ST6GAL1: variants seen among roughly 807,000 people sequenced by gnomAD.
ST6GAL1 encodes ST6 beta-galactoside alpha-2,6-sialyltransferase 1, also known as beta-galactoside alpha-2,6-sialyltransferase 1.
Under a neutral mutation model 38.0 loss-of-function variants are expected in ST6GAL1, and 20 were observed. The observed-to-expected ratio is 0.53, with a 90% CI of 0.37 to 0.77. ST6GAL1 has a LOEUF of 0.77. Ranked by LOEUF, ST6GAL1 falls within the 30% of genes least tolerant of loss-of-function variation. ST6GAL1 has a pLI of 0.00. For missense variants in ST6GAL1, 432 were observed against 496.4 expected, an observed-to-expected ratio of 0.87 and a Z score of 1.23; for synonymous variants, 196 against 188.2, an observed-to-expected ratio of 1.04 and a Z score of -0.34.
At chr3:187,005,443 C>T (rs1486613512) in intron 2 of ST6GAL1, among the ~76,000 whole-genome samples, 1 of 151,712 alleles carries the variant, frequency 6.6e-6, no homozygotes. Context: ...GCCCGGCTAA[C>T]TTTTGTATTT....
At chr3:187,056,629 C>T (rs1327788206) in intron 5 of ST6GAL1, among the ~76,000 whole-genome samples, 3 of 152,146 alleles carry the variant, frequency 2.0e-5, no homozygotes, top group East Asian at 3.8e-4. Flanking sequence ...GAATCTTGGC[C>T]CCTACTCTCT....
intron 2 of ST6GAL1, among the ~76,000 whole-genome samples, chr3:187,021,637 G>A (rs1400923144): frequency 6.6e-6 from 1 of 151,690 alleles, no homozygotes; most frequent in Non-Finnish European, 1.5e-5. Context: ...CTACTCGGGA[G>A]GCTGAGGCAG....
chr3:186,987,269 A>T (rs932460240), intron 2 of ST6GAL1, among the ~76,000 whole-genome samples: 3 of 152,130 alleles, frequency 2.0e-5, no homozygotes, highest in Non-Finnish European at 4.4e-5. Flanking sequence ...GAAAGAAGAA[A>T]GAAAAGCCCC....
chr3:187,029,594 A>G (rs1224024030), intron 2 of ST6GAL1, among the ~76,000 whole-genome samples: 1 of 152,216 alleles, frequency 6.6e-6, no homozygotes, highest in African/African-American at 2.4e-5. Context: ...TAGACTGGAC[A>G]AGTAGCATGT....
Position 187,048,880 on chromosome 3 carries a change from A to ATTTT in ST6GAL1, c.608-2344_608-2341dup, listed in dbSNP as rs374148828. On this transcript the variant is annotated intron_variant, in intron 4 of 7. Transcript: ENST00000169298. The stretch of plus-strand genomic sequence containing the variant: ...TCTGGCTCTGTCCCTGAGAAATTGA[A>ATTTT]TTTTTTTTTTTTTTTTTTTTTTTTT... Among the ~76,000 whole-genome samples the ATTTT allele has an allele frequency of 1.4e-3, 162 of 115,424 alleles. 6 individuals are homozygous for ATTTT. The highest frequency in any genetic ancestry group is 2.5e-3 in the African/African-American group (66 of 26,570). The allele number at this position is 115,424 out of a possible 152,430, so 75.7% of individuals were successfully genotyped here. A position where few individuals can be genotyped will look rare whatever the true frequency, so the allele number is the denominator to read the frequency against.
chr3:187,077,248 A>G lies in ST6GAL1; in HGVS notation c.*1445A>G, dbSNP rs1434888067. The G allele has an allele frequency of 1.2e-5, 4 of 337,278 alleles. No homozygotes were observed. The highest frequency in any genetic ancestry group is 2.1e-5 in the Non-Finnish European group (4 of 188,702). 20.9% of individuals were successfully genotyped at this position (337,278 alleles called of 1,614,324 possible). A position where few individuals can be genotyped will look rare whatever the true frequency, so the allele number is the denominator to read the frequency against. On this transcript the variant is annotated 3_prime_UTR_variant, in exon 8 of 8. Transcript: ENST00000169298. Reference sequence around the variant, plus strand: ...GGCTGGCCCACTGTAGTTTGCAGACATGCTCTCCAGATGGTTTTACTAAGT... The same window carrying G: ...GGCTGGCCCACTGTAGTTTGCAGACGTGCTCTCCAGATGGTTTTACTAAGT...
chr3:186,965,449 C>T (rs1279010328), intron 2 of ST6GAL1, among the ~76,000 whole-genome samples: 1 of 152,196 alleles, frequency 6.6e-6, no homozygotes, highest in Non-Finnish European at 1.5e-5. Context: ...CTTCCTGAAT[C>T]TCTTCCTGTG....
chr3:187,055,099 T>A (rs900400320), intron 5 of ST6GAL1, among the ~76,000 whole-genome samples: 2 of 152,248 alleles, frequency 1.3e-5, no homozygotes, highest in Admixed American at 6.5e-5. Flanking sequence ...GTGTTTATAG[T>A]ATTCTCTGAT....
intron 2 of ST6GAL1, among the ~76,000 whole-genome samples, chr3:186,974,121 T>C (rs1451173411): frequency 2.0e-5 from 3 of 152,182 alleles, no homozygotes; most frequent in Non-Finnish European, 4.4e-5. Context: ...TTTGACTCTC[T>C]AGCTTTGGGC....
chr3:186,996,875 C>T (rs1716429798), intron 2 of ST6GAL1, among the ~76,000 whole-genome samples: 1 of 151,690 alleles, frequency 6.6e-6, no homozygotes, highest in South Asian at 2.1e-4. Flanking sequence ...TGCTTGGGTC[C>T]CTGCTACACT....
intron 2 of ST6GAL1, among the ~76,000 whole-genome samples, chr3:186,995,505 C>CAAAAA (rs200317857): frequency 2.2e-4 from 6 of 26,766 alleles, no homozygotes; most frequent in African/African-American, 4.2e-4. Flanking sequence ...GACACCATCT[C>CAAAAA]AAAAAAAAAA....
In ST6GAL1 at chr3:187,060,027, G is replaced by A. The variant is rs117272314; in HGVS notation, c.705+8681G>A. ...AAGAGCTTTTCAGGAAGAGGCAACAGCATGGGTACAGTTTTGTGTGGAAGG... is the reference window on the plus strand; with the variant it reads ...AAGAGCTTTTCAGGAAGAGGCAACAACATGGGTACAGTTTTGTGTGGAAGG... On this transcript the variant is annotated intron_variant, in intron 5 of 7. Coordinates refer to ENST00000169298, the MANE Select transcript of ST6GAL1 (RefSeq NM_173216.2). Among the ~76,000 whole-genome samples, 26 of 152,298 alleles carry A rather than the reference G, an allele frequency of 1.7e-4. No homozygotes were observed. The East Asian group carries it at 5.0e-3, about 29-fold the overall frequency.
At chr3:186,988,684 G>C (rs112576454) in intron 2 of ST6GAL1, among the ~76,000 whole-genome samples, 89 of 152,008 alleles carry the variant, frequency 5.9e-4, no homozygotes, top group South Asian at 5.8e-3. Context: ...AGGCTGAGGT[G>C]GGGGGAATCA....
chr3:186,949,204 G>C (rs1050636919), intron 1 of ST6GAL1, among the ~76,000 whole-genome samples: 4 of 152,188 alleles, frequency 2.6e-5, no homozygotes, highest in Non-Finnish European at 5.9e-5. Flanking sequence ...TTGGGACCTT[G>C]TTCTTCTTGT....
At chr3:186,976,530 A>G (rs1423162170) in intron 2 of ST6GAL1, among the ~76,000 whole-genome samples, 1 of 152,084 alleles carries the variant, frequency 6.6e-6, no homozygotes, top group East Asian at 1.9e-4. Context: ...CCCGGGTTCA[A>G]GCGCTTCTCC....
At chr3:186,950,853 T>C (rs1303197278) in intron 1 of ST6GAL1, among the ~76,000 whole-genome samples, 2 of 152,268 alleles carry the variant, frequency 1.3e-5, no homozygotes, top group Admixed American at 6.5e-5. Context: ...TTTTATTTGC[T>C]GCATGCATGT....
rs185703668 is a variant in ST6GAL1, at chr3:186,958,025, G to T, written c.-324-5760G>T. 9.2e-5 allele frequency among the ~76,000 whole-genome samples: 14 copies of T among 151,476 alleles called. No individual in the cohort carries two copies. The South Asian group carries it at 2.3e-3, about 25-fold the overall frequency. The stretch of plus-strand genomic sequence containing the variant: ...TCAGGTTGAAGGAGGAGAATGGAAG[G>T]TTCCAGAAGGGAGATTTTTAAGAAT... On this transcript the variant is annotated intron_variant, in intron 1 of 7. Transcript: ENST00000169298.
chr3:187,037,064 ATTAT>A (rs1251884688), intron 2 of ST6GAL1, among the ~76,000 whole-genome samples: 1 of 152,172 alleles, frequency 6.6e-6, no homozygotes, highest in Non-Finnish European at 1.5e-5. Flanking sequence ...TTATTTATGA[ATTAT>A]TTATTTATTC....
At chr3:187,062,266 A>C (rs1718942357) in intron 5 of ST6GAL1, among the ~76,000 whole-genome samples, 1 of 152,216 alleles carries the variant, frequency 6.6e-6, no homozygotes, top group Non-Finnish European at 1.5e-5. Flanking sequence ...TGTGGAAAAC[A>C]GTACGGCAGT....
Sources: allele counts gnomAD v4.1 joint callset (sites outside exome capture counted in the v4.1 genomes callset), GRCh38; gene constraint gnomAD v4.1.1; transcripts MANE v1.5; gene names NCBI Gene and HGNC (gene_info 2026-07-23, HGNC 2026-07-21).